Variants in DNAH12 observed in about 807,000 individuals in gnomAD.
DNAH12 encodes the protein axonemal beta dynein heavy chain 12.
A neutral mutation model predicts 371.5 loss-of-function variants in DNAH12; 285 were observed. The ratio of observed to expected loss-of-function variants is 0.77; its 90% CI spans 0.70 to 0.85. The LOEUF (loss-of-function observed/expected upper bound fraction) is 0.85, where lower values mean the gene tolerates loss of function less well. Among genes scored for constraint, DNAH12 ranks in the 40% least tolerant of loss-of-function variants. The pLI is 0.00. For missense variants in DNAH12, 3,611 were observed against 3,689.4 expected (o/e 0.98, Z 0.55); for synonymous variants, 1,200 against 1,213.0 (o/e 0.99, Z 0.22).
chr3:57,377,249 T>C (rs2153339781), intron 52 of DNAH12, 27 bp from the exon 53 acceptor site: 1 of 152,294 alleles, frequency 6.6e-6, no homozygotes, highest in Non-Finnish European at 1.5e-5. Flanking sequence ...TATGCAGATA[T>C]GATGTGTACT....
rs1255539125 is a variant in DNAH12, at chr3:57,433,722, C to A, written c.4762G>T (p.Val1588Phe). Residue 1588 changes from valine (V) to phenylalanine (F), a missense_variant, in exon 31 of 74, where the codon GTC (valine) becomes TTC (phenylalanine). This residue lies in a region of DNAH12 where 2,266 missense variants were observed against 2,236.9 expected (regional missense o/e 1.01). Coordinates refer to ENST00000495027, the MANE Select transcript of DNAH12 (RefSeq NM_001366028.2). ...TTGGGGTTTACAGTTCTATAAATGA[C>A]CTTTTCTTCCTCTCCATAGCCATGT... ...NEHGYGEEEK[V>F]IYRTVNPKSI... 1.3e-6 allele frequency: 2 copies of A among 1,551,410 alleles called. No individual in the cohort carries two copies.
chr3:57,446,881 A>T lies in DNAH12; in HGVS notation c.3787-192T>A, dbSNP rs537609741. ...GCATTTTAAAACGTTCAAAAAAGTG[A>T]CAATGTATCAAAACTTGTCTTCTGA... On this transcript the variant is annotated intron_variant, in intron 25 of 73. Transcript: ENST00000495027. Among the ~76,000 whole-genome samples, 3 of 152,358 alleles carry T rather than the reference A, an allele frequency of 2.0e-5. No individual in the cohort carries two copies. In the East Asian group the frequency reaches 5.8e-4, roughly 29 times the overall value.
At chr3:57,475,646 A>G (rs2066500856) in intron 13 of DNAH12, among the ~76,000 whole-genome samples, 1 of 152,226 alleles carries the variant, frequency 6.6e-6, no homozygotes, top group Admixed American at 6.5e-5. Flanking sequence ...TGTATGTACT[A>G]TCATTTCACA....
intron 11 of DNAH12, among the ~76,000 whole-genome samples, chr3:57,498,774 C>T (rs1185790599): frequency 1.3e-5 from 2 of 151,950 alleles, no homozygotes; most frequent in Non-Finnish European, 2.9e-5. Flanking sequence ...CCGAGGTGGG[C>T]GGATCATGAG....
chr3:57,312,574 C>T (rs508398), intron 66 of DNAH12, among the ~76,000 whole-genome samples: 32,169 of 152,072 alleles, frequency 0.21, 4,404 homozygotes, highest in East Asian at 0.53. Context: ...AGAAATGAAA[C>T]ACGGATCCAG....
chr3:57,467,143 A>G (rs2066227205), intron 17 of DNAH12, among the ~76,000 whole-genome samples: 1 of 151,804 alleles, frequency 6.6e-6, no homozygotes, highest in African/African-American at 2.4e-5. Flanking sequence ...GTAATTTTGG[A>G]GTCTCGCTCT....
intron 2 of DNAH12, among the ~76,000 whole-genome samples, chr3:57,529,044 C>T (rs1292216203): frequency 6.6e-6 from 1 of 152,114 alleles, no homozygotes; most frequent in Non-Finnish European, 1.5e-5. Context: ...AGGTGATCCA[C>T]CTGCCTCAGC....
chr3:57,555,854 G>A, the DNAH12 span, among the ~76,000 whole-genome samples: 5 of 152,260 alleles, frequency 3.3e-5, no homozygotes, highest in African/African-American at 4.8e-5. Context: ...AGCGATCAGG[G>A]TCGGCAAAGC....
chr3:57,542,608 C>T, intron 2 of DNAH12, 93 bp downstream of exon 2: 1 of 1,382,020 alleles, frequency 7.2e-7, no homozygotes, highest in Non-Finnish European at 9.6e-7. Flanking sequence ...TACCCATGAA[C>T]AACCTCCACA....
chr3:57,446,374 T>C, intron 26 of DNAH12, 104 bp from the exon 27 acceptor site: 1 of 1,439,950 alleles, frequency 6.9e-7, no homozygotes. Context: ...TTAAATTTAG[T>C]AAAAGTTCCA....
At chr3:57,435,094 G>T (rs1051525985) in intron 30 of DNAH12, among the ~76,000 whole-genome samples, 1 of 152,146 alleles carries the variant, frequency 6.6e-6, no homozygotes, top group Non-Finnish European at 1.5e-5. Flanking sequence ...GGATTAATAT[G>T]GGCCGGGTGG....
intron 29 of DNAH12, among the ~76,000 whole-genome samples, chr3:57,438,918 C>CCAAAAAAAAAAA (rs562343761): frequency 5.3e-5 from 5 of 94,496 alleles, no homozygotes; most frequent in African/African-American, 1.6e-4. Flanking sequence ...CTGTCTCAGA[C>CCAAAAAAAAAAA]AAAAAAAAAA....
chr3:57,528,651 G>A lies in DNAH12; in HGVS notation c.171-4767C>T, dbSNP rs190254368. Among the ~76,000 whole-genome samples the A allele has an allele frequency of 1.1e-3, 160 of 150,582 alleles. 1 individual carries two copies. Among genetic ancestry groups the A allele is most frequent in the South Asian group, 2.3e-3 (11 of 4,684 alleles). The stretch of plus-strand genomic sequence containing the variant: ...TGAGGCAGGAGAATCCCTTGAACCC[G>A]GGAGGCGGAGGTTGCGGTGAGCCGA... On this transcript the variant is annotated intron_variant, in intron 2 of 73. Coordinates refer to ENST00000495027, the MANE Select transcript of DNAH12 (RefSeq NM_001366028.2).
intron 2 of DNAH12, chr3:57,530,617 A>T (rs1559756418): frequency 3.5e-6 from 2 of 571,040 alleles, no homozygotes; most frequent in East Asian, 6.1e-5. Context: ...CCCAGGGACA[A>T]TGTATAGTGG....
chr3:57,317,087 G>A (rs1363302245), intron 65 of DNAH12, among the ~76,000 whole-genome samples: 1 of 152,152 alleles, frequency 6.6e-6, no homozygotes, highest in East Asian at 1.9e-4. Flanking sequence ...TCTGCTGGTG[G>A]TCAATAAATG....
chr3:57,510,063 G>C (rs943872624), intron 5 of DNAH12, among the ~76,000 whole-genome samples: 3 of 151,462 alleles, frequency 2.0e-5, no homozygotes, highest in African/African-American at 7.3e-5. Context: ...AAAACGTATT[G>C]TACATGATAA....
chr3:57,400,223 G>C (rs1036463933), intron 43 of DNAH12, among the ~76,000 whole-genome samples: 1 of 152,196 alleles, frequency 6.6e-6, no homozygotes, highest in Non-Finnish European at 1.5e-5. Context: ...AGGAGGTGGA[G>C]GTTGCAGTGA....
At chr3:57,418,632 G>A (rs1024769983) in intron 37 of DNAH12, among the ~76,000 whole-genome samples, 1 of 150,640 alleles carries the variant, frequency 6.6e-6, no homozygotes, top group Non-Finnish European at 1.5e-5. Context: ...ATGCAACTAC[G>A]GACACAAAAT....
At chr3:57,443,969 C>A (rs2065393942) in intron 29 of DNAH12, among the ~76,000 whole-genome samples, 1 of 152,070 alleles carries the variant, frequency 6.6e-6, no homozygotes, top group Admixed American at 6.5e-5. Context: ...TTTGGGAGGC[C>A]AAGTCTGGCA....
Sources: gnomAD v4.1 joint callset for allele counts (sites outside exome capture counted in the v4.1 genomes callset) on GRCh38, gnomAD v4.1.1 for gene constraint, gnomAD v4.1.1 regional missense constraint, MANE v1.5 for transcripts, NCBI Gene and HGNC (gene_info 2026-07-23, HGNC 2026-07-21) for gene names.